NRCAM: variants seen among roughly 807,000 people sequenced by gnomAD.
The protein encoded by NRCAM is NgCAM-related cell adhesion molecule.
In NRCAM, 83 loss-of-function variants were observed where a neutral mutation model predicts 156.5. That is an observed-to-expected ratio of 0.53 (90% CI 0.44 to 0.64). The LOEUF is 0.64. Among genes scored for constraint, NRCAM ranks in the 30% least tolerant of loss-of-function variants. The pLI, the probability that NRCAM is intolerant of heterozygous loss-of-function variation, is 0.00. For missense variants in NRCAM, 1,417 were observed against 1,597.3 expected, an observed-to-expected ratio of 0.89 and a Z score of 1.92; for synonymous variants, 538 against 563.9, an observed-to-expected ratio of 0.95 and a Z score of 0.65.
chr7:108,283,758 A>G (rs1342219925), intron 3 of NRCAM, among the ~76,000 whole-genome samples: 1 of 152,000 alleles, frequency 6.6e-6, no homozygotes, highest in Non-Finnish European at 1.5e-5. Flanking sequence ...CTTCCTTCAC[A>G]TTTTAGCTCT....
At chr7:108,326,589 CAT>C (rs1345371782) in intron 2 of NRCAM, among the ~76,000 whole-genome samples, 8 of 152,098 alleles carry the variant, frequency 5.3e-5, no homozygotes, top group African/African-American at 1.7e-4. Flanking sequence ...AACTAAAAAG[CAT>C]AGTCACTTGA....
chr7:108,358,700 G>C (rs1026917974), intron 2 of NRCAM, among the ~76,000 whole-genome samples: 1 of 152,156 alleles, frequency 6.6e-6, no homozygotes, highest in African/African-American at 2.4e-5. Flanking sequence ...CGTATGCCCT[G>C]AACACTGTAA....
intron 2 of NRCAM, among the ~76,000 whole-genome samples, chr7:108,371,996 C>A (rs1249812458): frequency 6.6e-6 from 1 of 152,072 alleles, no homozygotes; most frequent in East Asian, 1.9e-4. Flanking sequence ...ATCAAGACAG[C>A]ATGGTACTGG....
At chr7:108,220,738 A>G (rs913595233) in intron 11 of NRCAM, among the ~76,000 whole-genome samples, 2 of 152,236 alleles carry the variant, frequency 1.3e-5, no homozygotes, top group Non-Finnish European at 2.9e-5. Flanking sequence ...CTGAAATTAT[A>G]AAAATTCTAG....
chr7:108,211,087 C>T (rs113619306), intron 11 of NRCAM, among the ~76,000 whole-genome samples: 2,532 of 152,262 alleles, frequency 0.017, 64 homozygotes, highest in African/African-American at 0.05. Flanking sequence ...CTGCAGGACC[C>T]GGGAGATATC....
At chr7:108,358,244 C>CAA (rs71314689) in intron 2 of NRCAM, among the ~76,000 whole-genome samples, 21,047 of 71,498 alleles carry the variant, frequency 0.29, 2,337 homozygotes, top group East Asian at 0.52. Flanking sequence ...CCCCTCTCTA[C>CAA]AAAAAAAAAA....
At chr7:108,281,733 T>C (rs780845002) in intron 3 of NRCAM, among the ~76,000 whole-genome samples, 7 of 152,178 alleles carry the variant, frequency 4.6e-5, no homozygotes, top group Non-Finnish European at 8.8e-5. Context: ...GCTGCCAAGC[T>C]TGGGGCTTCT....
In NRCAM at chr7:108,364,721, G is replaced by A. The variant is rs569618060; in HGVS notation, c.-174+34715C>T. Among the ~76,000 whole-genome samples the A allele has an allele frequency of 8.1e-3, 1,115 of 138,062 alleles. 15 individuals carry two copies. Among genetic ancestry groups the A allele is most frequent in the African/African-American group, 0.027 (1,035 of 38,082 alleles). The allele number at this position is 138,062 out of a possible 152,430, so 90.6% of individuals were successfully genotyped here. ...CATGGATGAACCTTAAAAACATTAC[G>A]CTAAGTCAAAAAAAAAAAAGACAGT... On this transcript the variant is annotated intron_variant, in intron 2 of 32. Coordinates refer to ENST00000379028, the MANE Select transcript of NRCAM (RefSeq NM_001037132.4).
chr7:108,215,212 A>ATTTTTT (rs71137615), intron 11 of NRCAM, among the ~76,000 whole-genome samples: 5 of 126,562 alleles, frequency 4.0e-5, no homozygotes, highest in African/African-American at 9.0e-5. Flanking sequence ...GTGTCCCACT[A>ATTTTTT]TTTTTTTTTT....
intron 1 of NRCAM, among the ~76,000 whole-genome samples, chr7:108,420,962 A>T (rs1808798450): frequency 6.6e-6 from 1 of 152,226 alleles, no homozygotes. Flanking sequence ...ATGTTGGTAG[A>T]AAAATAAAGA....
At chr7:108,368,224 A>ACCCCCCCCCCCCCCCCCCCCC (rs67897117) in intron 2 of NRCAM, among the ~76,000 whole-genome samples, 87 of 91,034 alleles carry the variant, frequency 9.6e-4, no homozygotes, top group Non-Finnish European at 1.2e-3. Context: ...ACACTTTCAT[A>ACCCCCCCCCCCCCCCCCCCCC]CCCCCCCCCA....
intron 2 of NRCAM, among the ~76,000 whole-genome samples, chr7:108,376,421 G>A (rs1595647659): frequency 1.3e-5 from 2 of 152,016 alleles, no homozygotes; most frequent in African/African-American, 4.8e-5. Context: ...CTCTCCTAGT[G>A]GCCTTCTAAT....
chr7:108,150,564 G>A, intron 32 of NRCAM: 1 of 440,924 alleles, frequency 2.3e-6, no homozygotes, highest in Middle Eastern at 3.8e-4. Flanking sequence ...TTCCTTGGTT[G>A]TGAATGGAGC....
In NRCAM at chr7:108,305,857, C is replaced by G. The variant is rs74868717; in HGVS notation, c.-107+6808G>C. Among the ~76,000 whole-genome samples the G allele has an allele frequency of 9.9e-3, 1,505 of 152,274 alleles. 30 individuals are homozygous for G. Among genetic ancestry groups the G allele is most frequent in the African/African-American group, 0.034 (1,427 of 41,552 alleles). On this transcript the variant is annotated intron_variant, in intron 3 of 32. Coordinates refer to ENST00000379028, the MANE Select transcript of NRCAM (RefSeq NM_001037132.4). ...ATTAAAAGTTATCTGAAAACTAATA[C>G]ATTTCAAATAAGATTAGTGTTTCCA...
Position 108,224,849 on chromosome 7 carries a change from A to G in NRCAM, c.778+796T>C, listed in dbSNP as rs141928578. 4.9e-3 allele frequency among the ~76,000 whole-genome samples: 747 copies of G among 152,282 alleles called. 11 individuals are homozygous for G. Among genetic ancestry groups the G allele is most frequent in the African/African-American group, 0.017 (719 of 41,584 alleles). ...CTTGGGGCCCATATTTTTCAGGAGT[A>G]TATTCAAATAAAATAACAGAAAGCA... On this transcript the variant is annotated intron_variant, in intron 10 of 32. Coordinates refer to ENST00000379028, the MANE Select transcript of NRCAM (RefSeq NM_001037132.4).
intron 1 of NRCAM, among the ~76,000 whole-genome samples, chr7:108,418,430 A>G (rs1416917995): frequency 6.6e-6 from 1 of 152,198 alleles, no homozygotes; most frequent in Non-Finnish European, 1.5e-5. Context: ...GAAGAGCATA[A>G]TAATAGATGG....
chr7:108,405,072 A>G (rs1210120261), intron 1 of NRCAM, among the ~76,000 whole-genome samples: 2 of 152,198 alleles, frequency 1.3e-5, no homozygotes, highest in African/African-American at 4.8e-5. Flanking sequence ...GCATATGAAT[A>G]CCATCTGCTG....
intron 3 of NRCAM, among the ~76,000 whole-genome samples, chr7:108,251,843 G>A (rs981046528): frequency 6.6e-6 from 1 of 152,090 alleles, no homozygotes; most frequent in African/African-American, 2.4e-5. Context: ...TAATATGAGA[G>A]GCAACATTTT....
intron 1 of NRCAM, among the ~76,000 whole-genome samples, chr7:108,420,039 C>CGTGTGTGT (rs35840496): frequency 0.016 from 2,330 of 146,712 alleles, 27 homozygotes; most frequent in Middle Eastern, 0.045. Context: ...TTAGTTCCAT[C>CGTGTGTGT]GTGTGTGTGT....
Sources: allele counts gnomAD v4.1 joint callset (sites outside exome capture counted in the v4.1 genomes callset), GRCh38; gene constraint gnomAD v4.1.1; transcripts MANE v1.5; gene names NCBI Gene and HGNC (gene_info 2026-07-23, HGNC 2026-07-21).